The following CDK5R1 variants were observed in gnomAD, a reference collection of about 807,000 sequenced individuals.
The protein encoded by CDK5R1 is cyclin dependent kinase 5 regulatory subunit 1, also known as cyclin-dependent kinase 5 activator 1.
A neutral mutation model predicts 19.0 loss-of-function variants in CDK5R1; 1 was observed. The ratio of observed to expected loss-of-function variants is 0.05; its 90% CI spans 0.02 to 0.25. CDK5R1 has a LOEUF of 0.25. Among genes scored for constraint, CDK5R1 ranks in the 10% least tolerant of loss-of-function variants. The pLI is 1.00. For synonymous variants in CDK5R1, 225 were observed against 187.7 expected, an observed-to-expected ratio of 1.20 and a Z score of -1.62; for missense variants, 314 against 401.0, an observed-to-expected ratio of 0.78 and a Z score of 1.85.
rs762383006 is a variant in CDK5R1, at chr17:32,489,321, TTTC to T, written c.*780_*782del. On this transcript the variant is annotated 3_prime_UTR_variant, in exon 2 of 2. Transcript: ENST00000313401. ...TGGGGACAGCTTTCCTGGGTGAGTT[TTTC>T]TTTTGAATAATGTAGTGCAGTCACC... 1.1e-4 allele frequency: 52 copies of T among 470,752 alleles called. No homozygotes were observed. The highest frequency in any genetic ancestry group is 3.3e-4 in the Middle Eastern group (1 of 3,050). The allele number at this position is 470,752 out of a possible 1,614,324, so 29.2% of individuals were successfully genotyped here. A position where few individuals can be genotyped will look rare whatever the true frequency, so the allele number is the denominator to read the frequency against.
Position 32,488,501 on chromosome 17 carries a change from G to A in CDK5R1, c.881G>A (p.Gly294Asp). Residue 294 changes from glycine to aspartate, a missense_variant, in exon 2 of 2, where the codon GGC becomes GAC. Physicochemically the swap from Gly to Asp is moderately conservative, Grantham distance 94 (BLOSUM62 -1). Around this residue, in one of 3 missense-constraint regions of CDK5R1, gnomAD observed 106 missense variants for 132.1 expected, o/e 0.80. Coordinates refer to ENST00000313401, the MANE Select transcript of CDK5R1 (RefSeq NM_003885.3). ...TTCTCCGACCTGAAGAACGAGAGCG[G>A]CCAGGAGGACAAGAAGCGGCTCCTC... is the stretch of plus-strand genomic sequence containing the variant. ...QVFSDLKNES[G>D]QEDKKRLLLG... 1.2e-6 allele frequency: 2 copies of A among 1,614,194 alleles called. No individual in the cohort carries two copies. The highest frequency in any genetic ancestry group is 1.7e-6 in the Non-Finnish European group (2 of 1,180,034).
At position 32,489,163 on chromosome 17, in the gene CDK5R1, G is replaced by T. The variant is rs1247782030; in HGVS notation, c.*619G>T. The T allele has an allele frequency of 4.2e-6, 2 of 471,146 alleles. No individual in the cohort carries two copies. The highest frequency in any genetic ancestry group is 4.7e-5 in the Admixed American group (2 of 42,586). 29.2% of individuals were successfully genotyped at this position (471,146 alleles called of 1,614,324 possible). ...TTTTAGGGAGAAGGGCTTTTCTTTA[G>T]TGGAGAAATGGAACTCGCCCCCCTA... On this transcript the variant is annotated 3_prime_UTR_variant, in exon 2 of 2. Coordinates refer to ENST00000313401, the MANE Select transcript of CDK5R1 (RefSeq NM_003885.3).
Position 32,487,806 on chromosome 17 carries a change from G to A in CDK5R1, c.186G>A (p.Lys62=), listed in dbSNP as rs1908728402. 6.2e-7 allele frequency: 1 copy of A among 1,613,982 alleles called. No individual in the cohort carries two copies. The highest frequency in any genetic ancestry group is 2.2e-5 in the East Asian group (1 of 44,878). The change falls in exon 2 of 2, where the codon AAG becomes AAA. Residue 62 remains lysine, a synonymous_variant. Transcript: ENST00000313401. The surrounding 1 kb of genome is among the most constrained non-coding windows in gnomAD (Gnocchi z 7.9). The stretch of plus-strand genomic sequence containing the variant: ...GAATCGTGGCCGTGTCGGCCAAGAA[G>A]AAGAACTCCAAGAAGGTGCAGCCCA... ...WKRIVAVSAK[K]KNSKKVQPNS...
At position 32,488,318 on chromosome 17, in the gene CDK5R1, C is replaced by T; in HGVS notation, c.698C>T (p.Ser233Phe). Residue 233 changes from serine (S) to phenylalanine (F), a missense_variant, in exon 2 of 2, where the codon TCC becomes TTC. Ser to Phe is a radical substitution (Grantham distance 155, BLOSUM62 -2). This residue lies in a region of CDK5R1 where 106 missense variants were observed against 132.1 expected (regional missense o/e 0.80). Transcript: ENST00000313401. ...QAVLLTCLYL[S>F]YSYMGNEISY... ...GTCCTGCTGACATGCCTGTACCTCT[C>T]CTACTCCTACATGGGCAACGAGATC... 6.2e-7 allele frequency: 1 copy of T among 1,614,146 alleles called. No individual in the cohort carries two copies. Among genetic ancestry groups the T allele is most frequent in the Non-Finnish European group, 8.5e-7 (1 of 1,180,046 alleles).
chr17:32,488,047 A>G lies in CDK5R1; in HGVS notation c.427A>G (p.Ile143Val). The G allele has an allele frequency of 6.2e-7, 1 of 1,612,522 alleles. No individual in the cohort carries two copies. The highest frequency in any genetic ancestry group is 8.5e-7 in the Non-Finnish European group (1 of 1,179,316). The stretch of plus-strand genomic sequence containing the variant: ...CTCCGCAGGGACGCCCAAACGGGTC[A>G]TCGTCCAGGCGTCCACCAGTGAGCT... The part of the protein sequence containing the change: ...VTSAGTPKRV[I>V]VQASTSELLR... Residue 143 changes from isoleucine (I) to valine (V), a missense_variant, in exon 2 of 2, where the codon ATC becomes GTC. This residue lies in a region of CDK5R1 where 197 missense variants were observed against 230.2 expected (regional missense o/e 0.86). Transcript: ENST00000313401.
At position 32,487,322 on chromosome 17, in the gene CDK5R1, C is replaced by T. The variant is rs9333300; in HGVS notation, c.-145-154C>T. Among the ~76,000 whole-genome samples the T allele has an allele frequency of 0.012, 1,786 of 147,578 alleles. 13 individuals carry two copies. The highest frequency in any genetic ancestry group is 0.021 in the Middle Eastern group (6 of 290). ...GCAGCGGCGGCGGCGGGCGGGGGTG[C>T]TGCAGTGGAGGCGGCGAGGCTGCGT... On this transcript the variant is annotated intron_variant, in intron 1 of 1. Transcript: ENST00000313401. This position sits in a 1 kb window ranked among gnomAD's most constrained non-coding sequence, Gnocchi z 7.9.
In CDK5R1 at chr17:32,487,914, C is replaced by T. The variant is rs1210946698; in HGVS notation, c.294C>T (p.Phe98=). The T allele has an allele frequency of 1.2e-6, 2 of 1,613,544 alleles. No individual in the cohort carries two copies. The highest frequency in any genetic ancestry group is 8.5e-7 in the Non-Finnish European group (1 of 1,180,018). Reference sequence around the variant, plus strand: ...TGTCGTGCGCCAACCTGTCCACATTCGCCCAGCCCCCACCGGCCCAGCCGC... The same window carrying T: ...TGTCGTGCGCCAACCTGTCCACATTTGCCCAGCCCCCACCGGCCCAGCCGC... ...KSLSCANLST[F]AQPPPAQPPA... is the part of the protein sequence containing the mutation. Residue 98 remains phenylalanine, a synonymous_variant, in exon 2 of 2, where the codon TTC becomes TTT. Transcript: ENST00000313401. The surrounding 1 kb of genome is among the most constrained non-coding windows in gnomAD (Gnocchi z 7.9).
Position 32,488,724 on chromosome 17 carries a change from C to A in CDK5R1, c.*180C>A. On this transcript the variant is annotated 3_prime_UTR_variant, in exon 2 of 2. Coordinates refer to ENST00000313401, the MANE Select transcript of CDK5R1 (RefSeq NM_003885.3). The stretch of plus-strand genomic sequence containing the variant: ...CTCTGGGCACTTTTGAACTCACGAG[C>A]CTTGCGCAAAACCCAGAAGATGTAT... 2 of 1,191,758 alleles carry A rather than the reference C, an allele frequency of 1.7e-6. No homozygotes were observed. The highest frequency in any genetic ancestry group is 2.4e-6 in the Non-Finnish European group (2 of 842,266). The allele number at this position is 1,191,758 out of a possible 1,614,324, so 73.8% of individuals were successfully genotyped here.
rs764730659 is a variant in CDK5R1 at position 32,488,286 on chromosome 17, C to T, written c.666C>T (p.Leu222=). 5.6e-6 allele frequency: 9 copies of T among 1,614,098 alleles called. No homozygotes were observed. The South Asian group carries it at 8.8e-5, about 16-fold the overall frequency. ...ISSEVGSDHE[L]QAVLLTCLYL... ...CCGAGGTGGGCTCGGATCACGAGCT[C>T]CAGGCCGTCCTGCTGACATGCCTGT... The change falls in exon 2 of 2, where the codon CTC becomes CTT. Residue 222 remains leucine, a synonymous_variant. Coordinates refer to ENST00000313401, the MANE Select transcript of CDK5R1 (RefSeq NM_003885.3).
rs1049154382 is a variant in CDK5R1, at chr17:32,487,949, C to G, written c.329C>G (p.Pro110Arg). The G allele has an allele frequency of 6.2e-7, 1 of 1,613,400 alleles. No individual in the cohort carries two copies. The highest frequency in any genetic ancestry group is 2.2e-5 in the East Asian group (1 of 44,876). ...QPPPAQPPAPPASQLSGSQTG... is the reference protein window; with the variant it reads ...QPPPAQPPAPRASQLSGSQTG... ...CCACCGGCCCAGCCGCCTGCACCCC[C>G]GGCCAGCCAGCTCTCGGGTTCCCAG... Residue 110 changes from proline (P) to arginine (R), a missense_variant, in exon 2 of 2, where the codon CCG becomes CGG. This residue lies in a region of CDK5R1 where 197 missense variants were observed against 230.2 expected (regional missense o/e 0.86). Coordinates refer to ENST00000313401, the MANE Select transcript of CDK5R1 (RefSeq NM_003885.3). This position sits in a 1 kb window ranked among gnomAD's most constrained non-coding sequence, Gnocchi z 7.9.
rs1467150401 is a variant in CDK5R1, at chr17:32,487,447, C to G, written c.-145-29C>G. 4 of 532,092 alleles carry G rather than the reference C, an allele frequency of 7.5e-6. No homozygotes were observed. The highest frequency in any genetic ancestry group is 1.3e-5 in the Non-Finnish European group (4 of 306,776). The allele number at this position is 532,092 out of a possible 1,614,324, so 33.0% of individuals were successfully genotyped here. A position where few individuals can be genotyped will look rare whatever the true frequency, so the allele number is the denominator to read the frequency against. On this transcript the variant is annotated intron_variant, in intron 1 of 1. Transcript: ENST00000313401. This position sits in a 1 kb window ranked among gnomAD's most constrained non-coding sequence, Gnocchi z 7.9. ...GCAGGGGCGCGGCGCGGAGCCCAGC[C>G]TGGCGCTAAGAACCATCTTGTTTTC...
rs773022669 is a variant in CDK5R1 at position 32,487,627 on chromosome 17, A to G, written c.7A>G (p.Thr3Ala). ...CCCGGCGCGCAGCAGCACCATGGGCACGGTGCTGTCCCTGTCTCCCAGCTA... is the reference window on the plus strand; with the variant it reads ...CCCGGCGCGCAGCAGCACCATGGGCGCGGTGCTGTCCCTGTCTCCCAGCTA... Reference protein sequence around the residue: MGTVLSLSPSYRK... With the variant: MGAVLSLSPSYRK... The change falls in exon 2 of 2, where the codon ACG becomes GCG. Residue 3 changes from threonine to alanine, a missense_variant. By Grantham distance (58) the Thr-to-Ala change is moderately conservative. Around this residue, in one of 3 missense-constraint regions of CDK5R1, gnomAD observed 197 missense variants for 230.2 expected, o/e 0.86. Transcript: ENST00000313401. The surrounding 1 kb of genome is among the most constrained non-coding windows in gnomAD (Gnocchi z 7.9). 1.2e-6 allele frequency: 2 copies of G among 1,612,430 alleles called. No individual in the cohort carries two copies. Among genetic ancestry groups the G allele is most frequent in the Non-Finnish European group, 1.7e-6 (2 of 1,179,732 alleles).
At position 32,489,406 on chromosome 17, in the gene CDK5R1, C is replaced by T. The variant is rs1908793230; in HGVS notation, c.*862C>T. On this transcript the variant is annotated 3_prime_UTR_variant, in exon 2 of 2. Transcript: ENST00000313401. ...CCATTAGCAACGCCTGCCTTCTGGGCAAGGTGAGGGATGCCATACCTTGAG... is the reference window on the plus strand; with the variant it reads ...CCATTAGCAACGCCTGCCTTCTGGGTAAGGTGAGGGATGCCATACCTTGAG... The T allele has an allele frequency of 4.8e-6, 2 of 419,862 alleles. No homozygotes were observed. Among genetic ancestry groups the T allele is most frequent in the South Asian group, 3.6e-5 (2 of 55,940 alleles). 26.0% of individuals were successfully genotyped at this position (419,862 alleles called of 1,614,324 possible).
Position 32,487,402 on chromosome 17 carries a change from G to T in CDK5R1, c.-145-74G>T, listed in dbSNP as rs1243815156. The T allele has an allele frequency of 6.0e-6, 2 of 335,016 alleles. No individual in the cohort carries two copies. The highest frequency in any genetic ancestry group is 1.1e-5 in the Non-Finnish European group (2 of 186,348). 20.8% of individuals were successfully genotyped at this position (335,016 alleles called of 1,614,324 possible). Reference sequence around the variant, plus strand: ...GGGCGGCGGGGTGCGCCGAGGCGCGGGGCGGAGGGGCGCAGGGGCGCAGGG... The same window carrying T: ...GGGCGGCGGGGTGCGCCGAGGCGCGTGGCGGAGGGGCGCAGGGGCGCAGGG... On this transcript the variant is annotated intron_variant, in intron 1 of 1. Coordinates refer to ENST00000313401, the MANE Select transcript of CDK5R1 (RefSeq NM_003885.3). This position sits in a 1 kb window ranked among gnomAD's most constrained non-coding sequence, Gnocchi z 7.9.
Position 32,487,527 on chromosome 17 carries a change from G to C in CDK5R1, c.-94G>C, listed in dbSNP as rs1313249963. ...CCGGGAGCGCCCCCGCCTCCTCTCC[G>C]GGGCCGCCGCAGGCTCGGTGAGCGG... On this transcript the variant is annotated 5_prime_UTR_variant, in exon 2 of 2. Transcript: ENST00000313401. The surrounding 1 kb of genome is among the most constrained non-coding windows in gnomAD (Gnocchi z 7.9). The C allele has an allele frequency of 1.5e-5, 15 of 1,010,870 alleles. No individual in the cohort carries two copies. Among genetic ancestry groups the C allele is most frequent in the Non-Finnish European group, 1.7e-5 (12 of 703,608 alleles). 62.6% of individuals were successfully genotyped at this position (1,010,870 alleles called of 1,614,324 possible). A position where few individuals can be genotyped will look rare whatever the true frequency, so the allele number is the denominator to read the frequency against.
chr17:32,489,883 C>T lies in CDK5R1; in HGVS notation c.*1339C>T, dbSNP rs1455977560. Reference sequence around the variant, plus strand: ...CAATGTGAAGACACTACAGAGGATTCTGTCTTCCAGGCCCAGTCCACTGGG... The same window carrying T: ...CAATGTGAAGACACTACAGAGGATTTTGTCTTCCAGGCCCAGTCCACTGGG... On this transcript the variant is annotated 3_prime_UTR_variant, in exon 2 of 2. Transcript: ENST00000313401. 6.0e-6 allele frequency: 1 copy of T among 167,132 alleles called. No homozygotes were observed. The highest frequency in any genetic ancestry group is 1.5e-5 in the Non-Finnish European group (1 of 68,208). 10.4% of individuals were successfully genotyped at this position (167,132 alleles called of 1,614,324 possible).
chr17:32,488,749 T>C lies in CDK5R1; in HGVS notation c.*205T>C. ...CCTTGCGCAAAACCCAGAAGATGTATTCAGAGCCACCCAGGCCACTGACCT... is the reference window on the plus strand; with the variant it reads ...CCTTGCGCAAAACCCAGAAGATGTACTCAGAGCCACCCAGGCCACTGACCT... On this transcript the variant is annotated 3_prime_UTR_variant, in exon 2 of 2. Transcript: ENST00000313401. 2.1e-6 allele frequency: 2 copies of C among 942,998 alleles called. No individual in the cohort carries two copies. The highest frequency in any genetic ancestry group is 3.2e-6 in the Non-Finnish European group (2 of 631,374). 58.4% of individuals were successfully genotyped at this position (942,998 alleles called of 1,614,324 possible).
rs1300570893 is a variant in CDK5R1, at chr17:32,489,312, G to A, written c.*768G>A. On this transcript the variant is annotated 3_prime_UTR_variant, in exon 2 of 2. Transcript: ENST00000313401. ...GGGTGAAGCTGGGGACAGCTTTCCT[G>A]GGTGAGTTTTTCTTTTGAATAATGT... The A allele has an allele frequency of 2.1e-6, 1 of 470,692 alleles. No individual in the cohort carries two copies. Among genetic ancestry groups the A allele is most frequent in the Non-Finnish European group, 4.4e-6 (1 of 226,898 alleles). 29.2% of individuals were successfully genotyped at this position (470,692 alleles called of 1,614,324 possible).
Position 32,490,884 on chromosome 17 carries a change from C to T in CDK5R1, c.*2340C>T, listed in dbSNP as rs932341212. On this transcript the variant is annotated 3_prime_UTR_variant, in exon 2 of 2. Transcript: ENST00000313401. ...TGTAAACCTGGAGGGTTGATATATT[C>T]TTTCCATGCAGTTATTAGAACTTAG... 1 of 167,074 alleles carries T rather than the reference C, an allele frequency of 6.0e-6. No individual in the cohort carries two copies. Among genetic ancestry groups the T allele is most frequent in the African/African-American group, 2.4e-5 (1 of 41,458 alleles). 10.3% of individuals were successfully genotyped at this position (167,074 alleles called of 1,614,324 possible). A position where few individuals can be genotyped will look rare whatever the true frequency, so the allele number is the denominator to read the frequency against.
Sources: gnomAD v4.1 joint callset for allele counts (sites outside exome capture counted in the v4.1 genomes callset) on GRCh38, gnomAD v4.1.1 for gene constraint, gnomAD v4.1.1 regional missense constraint, Gnocchi (gnomAD v3.1) non-coding constraint, MANE v1.5 for transcripts, NCBI Gene and HGNC (gene_info 2026-07-23, HGNC 2026-07-21) for gene names.